The following SPON2 variants were observed in gnomAD, a reference collection of about 807,000 sequenced individuals.
SPON2 encodes spondin 2.
A neutral mutation model predicts 29.9 loss-of-function variants in SPON2; 32 were observed. The observed-to-expected ratio is 1.07, with a 90% CI of 0.81 to 1.44. SPON2 has a LOEUF of 1.44. SPON2 is among the 40% of genes most tolerant of loss of function. The pLI, the probability that SPON2 is intolerant of heterozygous loss-of-function variation, is 0.00. For synonymous variants in SPON2, 248 were observed against 209.1 expected (o/e 1.19, Z -1.61); for missense variants, 541 against 455.5 (o/e 1.19, Z -1.71).
chr4:1,176,571 A>C (rs759835471), upstream of SPON2, among the ~76,000 whole-genome samples: 2 of 147,076 alleles, frequency 1.4e-5, no homozygotes, highest in Admixed American at 1.3e-4. Flanking sequence ...CATTCATTCA[A>C]GCATCCATTC....
At chr4:1,205,697 C>G (rs1159690961) in intron 1 of SPON2, among the ~76,000 whole-genome samples, 1 of 152,184 alleles carries the variant, frequency 6.6e-6, no homozygotes, top group Non-Finnish European at 1.5e-5. Context: ...AGGGGAGATG[C>G]TGGCGTCACC....
chr4:1,198,430 A>C (rs1288682905), upstream of SPON2, among the ~76,000 whole-genome samples: 1 of 152,172 alleles, frequency 6.6e-6, no homozygotes, highest in East Asian at 1.9e-4. Flanking sequence ...AGGATGGAAA[A>C]CTCTGTAATT....
chr4:1,207,084 G>A (rs1728360594), intron 1 of SPON2, among the ~76,000 whole-genome samples: 2 of 152,070 alleles, frequency 1.3e-5, no homozygotes, highest in Non-Finnish European at 2.9e-5. Flanking sequence ...GTGTGGGCAG[G>A]TGCAGGGCAG....
chr4:1,173,529 C>T (rs1214827545), upstream of SPON2, among the ~76,000 whole-genome samples: 1 of 152,226 alleles, frequency 6.6e-6, no homozygotes, highest in Non-Finnish European at 1.5e-5. Flanking sequence ...TGATCCTGCT[C>T]CATGTCAGGA....
rs773844534 is a variant in SPON2 at position 1,171,254 on chromosome 4, C to A, written c.444+9G>T. On this transcript the variant is annotated intron_variant, in intron 3 of 5. Transcript: ENST00000290902. ...CCCGGACCCCGCCCCCGGCCGGCCC[C>A]GCGCTCACCAGCGAGTGCCTGCGCT... The A allele has an allele frequency of 6.8e-7, 1 of 1,476,820 alleles. No homozygotes were observed. The highest frequency in any genetic ancestry group is 8.9e-7 in the Non-Finnish European group (1 of 1,121,982). 91.5% of individuals were successfully genotyped at this position (1,476,820 alleles called of 1,614,324 possible). A position where few individuals can be genotyped will look rare whatever the true frequency, so the allele number is the denominator to read the frequency against.
chr4:1,206,892 G>A (rs1728354336), intron 1 of SPON2, among the ~76,000 whole-genome samples: 1 of 151,644 alleles, frequency 6.6e-6, no homozygotes, highest in Non-Finnish European at 1.5e-5. Flanking sequence ...GAGGGGATAG[G>A]TGGGAGACAC....
At position 1,167,415 on chromosome 4, in the gene SPON2, A is replaced by G. The variant is rs1727273934; in HGVS notation, c.*57T>C. On this transcript the variant is annotated 3_prime_UTR_variant, in exon 6 of 6. Coordinates refer to ENST00000290902, the MANE Select transcript of SPON2 (RefSeq NM_012445.4). ...GGCCGCCTGCAGCATGAGCCTGCACAGGAGCCCCCGACACCCCATGGCTCC... is the reference window on the plus strand; with the variant it reads ...GGCCGCCTGCAGCATGAGCCTGCACGGGAGCCCCCGACACCCCATGGCTCC... 6.5e-7 allele frequency: 1 copy of G among 1,544,446 alleles called. No homozygotes were observed. Among genetic ancestry groups the G allele is most frequent in the East Asian group, 2.3e-5 (1 of 44,288 alleles).
intron 5 of SPON2, 77 bp from the exon 6 acceptor site, chr4:1,167,733 C>A: frequency 6.8e-7 from 1 of 1,466,874 alleles, no homozygotes; most frequent in Non-Finnish European, 9.1e-7. Context: ...CCACCTCCCA[C>A]CAACGTGTGC....
chr4:1,201,072 T>C (rs1191402004), intron 1 of SPON2: 2 of 452,508 alleles, frequency 4.4e-6, no homozygotes, highest in South Asian at 3.1e-5. Flanking sequence ...CCTGACGAGG[T>C]TGGCCTGGGG....
chr4:1,192,325 C>T (rs1344951039), intron 1 of SPON2, among the ~76,000 whole-genome samples: 1 of 152,218 alleles, frequency 6.6e-6, no homozygotes, highest in Non-Finnish European at 1.5e-5. Context: ...TCTTGGCAGC[C>T]CTGTGCTGGC....
At chr4:1,189,973 GA>G (rs1727881990) in intron 1 of SPON2, among the ~76,000 whole-genome samples, 1 of 124,952 alleles carries the variant, frequency 8.0e-6, no homozygotes, top group Non-Finnish European at 1.6e-5. Context: ...CTGGGTGACA[GA>G]GTGAGACTCC....
Position 1,167,378 on chromosome 4 carries a change from CCCTGTGCCCTCGGCCGCCTGCAGCATGAG to C in SPON2, c.*65_*93del. 1 of 1,333,764 alleles carries C rather than the reference CCCTGTGCCCTCGGCCGCCTGCAGCATGAG, an allele frequency of 7.5e-7. No individual in the cohort carries two copies. The highest frequency in any genetic ancestry group is 1.0e-6 in the Non-Finnish European group (1 of 969,234). 82.6% of individuals were successfully genotyped at this position (1,333,764 alleles called of 1,614,324 possible). On this transcript the variant is annotated 3_prime_UTR_variant, in exon 6 of 6. Transcript: ENST00000290902. Reference sequence around the variant, plus strand: ...CCGCGGTCAGGAGCAGCGCGAAACCCCCTGTGCCCTCGGCCGCCTGCAGCATGAGCCTGCACAGGAGCCCCCGACACCCC... The same window carrying C: ...CCGCGGTCAGGAGCAGCGCGAAACCCCCTGCACAGGAGCCCCCGACACCCC...
At chr4:1,190,845 T>G (rs1727898212) in intron 1 of SPON2, among the ~76,000 whole-genome samples, 1 of 152,162 alleles carries the variant, frequency 6.6e-6, no homozygotes, top group Non-Finnish European at 1.5e-5. Flanking sequence ...AAGAAAACGA[T>G]TCCATTTATA....
rs199503824 is a variant in SPON2 at position 1,171,464 on chromosome 4, G to C, written c.243C>G (p.Tyr81Ter). ...CGTACTGGTTCTTCCTCCACATGCT[G>C]TAGTCGGAGCTATGCGCGGCCCCTG... ...SLLGAAHSSD[Y>*]SMWRKNQYVS... The change falls in exon 3 of 6, where the codon TAC becomes TAG. Residue 81 changes from tyrosine to a stop codon, truncating the protein, a stop_gained. Coordinates refer to ENST00000290902, the MANE Select transcript of SPON2 (RefSeq NM_012445.4). LOFTEE classifies it high-confidence loss of function. 1.2e-6 allele frequency: 2 copies of C among 1,611,974 alleles called. No individual in the cohort carries two copies. Among genetic ancestry groups the C allele is most frequent in the South Asian group, 1.1e-5 (1 of 91,052 alleles).
At chr4:1,203,525 A>C (rs1728267558) in intron 1 of SPON2, among the ~76,000 whole-genome samples, 1 of 152,104 alleles carries the variant, frequency 6.6e-6, no homozygotes, top group African/African-American at 2.4e-5. Context: ...GGCTGTGCCC[A>C]CCTTTGGGCT....
chr4:1,170,542 G>A lies in SPON2; in HGVS notation c.671C>T (p.Ser224Phe). ...GGCCTTCAGCCGCGGGTAGTAGAAG[G>A]AGTTGGCCGGGTGGCTGGGAGAGGA... ...TSSSPSHPAN[S>F]FYYPRLKALP... Residue 224 changes from serine (S) to phenylalanine (F), a missense_variant, in exon 5 of 6, where the codon TCC (serine) becomes TTC (phenylalanine). By Grantham distance (155) the Ser-to-Phe change is radical (BLOSUM62 -2). Transcript: ENST00000290902. The A allele has an allele frequency of 1.2e-6, 2 of 1,613,890 alleles. No individual in the cohort carries two copies. Among genetic ancestry groups the A allele is most frequent in the Non-Finnish European group, 8.5e-7 (1 of 1,179,854 alleles).
At chr4:1,186,072 A>G (rs13135881) in intron 1 of SPON2, among the ~76,000 whole-genome samples, 119,880 of 146,294 alleles carry the variant, frequency 0.82, 49,383 homozygotes, top group Non-Finnish European at 0.85. Flanking sequence ...GTGAAACCCC[A>G]TCTCTACTAA....
chr4:1,176,505 CCA>C (rs1186446388), upstream of SPON2, among the ~76,000 whole-genome samples: 4 of 152,080 alleles, frequency 2.6e-5, no homozygotes, highest in South Asian at 4.2e-4. Context: ...ATGCAATCAT[CCA>C]CACAGTACAT....
intron 1 of SPON2, among the ~76,000 whole-genome samples, chr4:1,188,927 G>A (rs1430727517): frequency 2.0e-5 from 3 of 152,172 alleles, no homozygotes; most frequent in East Asian, 3.9e-4. Flanking sequence ...GAATAAACCC[G>A]ATGTTGTCAT....
Sources: allele counts gnomAD v4.1 joint callset (sites outside exome capture counted in the v4.1 genomes callset), GRCh38; gene constraint gnomAD v4.1.1; transcripts MANE v1.5; gene names NCBI Gene and HGNC (gene_info 2026-07-23, HGNC 2026-07-21).